FUBP3: variants seen among roughly 807,000 people sequenced by gnomAD.
The protein encoded by FUBP3 is far upstream element binding protein 3, also known as far upstream element-binding protein 3.
FUBP3 carries 28 observed loss-of-function variants against 85.6 expected under a neutral mutation model. That is an observed-to-expected ratio of 0.33 (90% CI 0.24 to 0.45). The LOEUF (loss-of-function observed/expected upper bound fraction) is 0.45. Among genes scored for constraint, FUBP3 ranks in the 20% least tolerant of loss-of-function variants. The probability of loss-of-function intolerance (pLI) is 1.00; values close to 1 mark genes in which losing one functional copy is unlikely to be tolerated. For synonymous variants in FUBP3, 271 were observed against 271.4 expected, an observed-to-expected ratio of 1.00 and a Z score of 0.01; for missense variants, 583 against 755.1, an observed-to-expected ratio of 0.77 and a Z score of 2.67.
Position 130,622,796 on chromosome 9 carries a change from T to C in FUBP3, c.860T>C (p.Ile287Thr). 6.4e-7 allele frequency: 1 copy of C among 1,555,794 alleles called. No individual in the cohort carries two copies. The highest frequency in any genetic ancestry group is 8.8e-7 in the Non-Finnish European group (1 of 1,132,280). Residue 287 changes from isoleucine (I) to threonine (T), a missense_variant, in exon 10 of 19, where the codon ATT becomes ACT. Ile to Thr is a moderately conservative substitution (Grantham distance 89, BLOSUM62 -1). Transcript: ENST00000319725. Reference protein sequence around the residue: ...KKIQNDAGVRIQFKPDDGISP... With the variant: ...KKIQNDAGVRTQFKPDDGISP... The stretch of plus-strand genomic sequence containing the variant: ...ATCCAGAATGATGCTGGTGTGAGGA[T>C]TCAGTTTAAACCAGGTGGGTATGAT...
At chr9:130,590,372 G>A (rs1324611139) in intron 1 of FUBP3, among the ~76,000 whole-genome samples, 1 of 152,202 alleles carries the variant, frequency 6.6e-6, no homozygotes, top group East Asian at 1.9e-4. Context: ...TCCTGGTCCA[G>A]TGCTCTCCTT....
rs1231696069 is a variant in FUBP3, at chr9:130,615,925, GCT to G, written c.405-422_405-421del. 2.0e-5 allele frequency among the ~76,000 whole-genome samples: 3 copies of G among 152,244 alleles called. No individual in the cohort carries two copies. In the South Asian group the frequency reaches 6.2e-4, roughly 32 times the overall value. Reference sequence around the variant, plus strand: ...TTTCTTCCCATCTTTCTCATTGCTGGCTCTCTCTCCTGCCTGCATTTATTTAA... The same window carrying G: ...TTTCTTCCCATCTTTCTCATTGCTGGCTCTCTCCTGCCTGCATTTATTTAA... On this transcript the variant is annotated intron_variant, in intron 6 of 18. Transcript: ENST00000319725.
rs1456228434 is a variant in FUBP3 at position 130,624,653 on chromosome 9, T to TGTGTGTG, written c.975+942_975+943insGTGTGTG. ...TGTGTGTGTGTGTGTGTGTGTGTGT[T>TGTGTGTG]TTTAAGCTCATCAGCTATCATTAAT... is the stretch of plus-strand genomic sequence containing the variant. On this transcript the variant is annotated intron_variant, in intron 11 of 18. Transcript: ENST00000319725. Among the ~76,000 whole-genome samples, 20 of 132,822 alleles carry TGTGTGTG rather than the reference T, an allele frequency of 1.5e-4. No individual in the cohort carries two copies. In the East Asian group the frequency reaches 2.5e-3, roughly 17 times the overall value. The allele number at this position is 132,822 out of a possible 152,430, so 87.1% of individuals were successfully genotyped here. A position where few individuals can be genotyped will look rare whatever the true frequency, so the allele number is the denominator to read the frequency against.
intron 12 of FUBP3, among the ~76,000 whole-genome samples, chr9:130,629,244 G>A (rs1379978560): frequency 6.6e-6 from 1 of 152,200 alleles, no homozygotes; most frequent in Non-Finnish European, 1.5e-5. Context: ...GGTGTCCCCA[G>A]ACAGGCGGGT....
intron 2 of FUBP3, among the ~76,000 whole-genome samples, chr9:130,609,150 A>G (rs1831611783): frequency 2.0e-5 from 3 of 152,246 alleles, no homozygotes; most frequent in African/African-American, 7.2e-5. Flanking sequence ...AAAGAGAAAC[A>G]CTACAGAATC....
chr9:130,582,549 A>G (rs1443446616), intron 1 of FUBP3, among the ~76,000 whole-genome samples: 7 of 152,158 alleles, frequency 4.6e-5, no homozygotes, highest in Admixed American at 1.3e-4. Flanking sequence ...ACATCTGTCT[A>G]CTTTTCCCAA....
At chr9:130,601,447 T>C (rs1831149391) in intron 2 of FUBP3, among the ~76,000 whole-genome samples, 1 of 152,014 alleles carries the variant, frequency 6.6e-6, no homozygotes, top group Admixed American at 6.6e-5. Flanking sequence ...GGCCTCATAC[T>C]CCCCCTGCAT....
intron 9 of FUBP3, 43 bp from the exon 10 acceptor site, chr9:130,622,665 G>A: frequency 1.0e-6 from 1 of 972,716 alleles, no homozygotes; most frequent in Non-Finnish European, 1.6e-6. Flanking sequence ...AAAAAGACAG[G>A]TTTGTGAAAA....
intron 11 of FUBP3, among the ~76,000 whole-genome samples, 196 bp downstream of exon 11, chr9:130,623,907 T>C (rs911706005): frequency 6.6e-6 from 1 of 152,216 alleles, no homozygotes; most frequent in Non-Finnish European, 1.5e-5. Flanking sequence ...ATTCTGCCTT[T>C]ATTTACCTCA....
chr9:130,619,066 C>T (rs1282223716), intron 8 of FUBP3, among the ~76,000 whole-genome samples: 1 of 152,190 alleles, frequency 6.6e-6, no homozygotes, highest in Non-Finnish European at 1.5e-5. Flanking sequence ...CAGCGTCCGG[C>T]CGTGGGCTCC....
chr9:130,610,353 G>A (rs1831675717), intron 3 of FUBP3, among the ~76,000 whole-genome samples: 1 of 152,178 alleles, frequency 6.6e-6, no homozygotes, highest in African/African-American at 2.4e-5. Context: ...GAGACACCTC[G>A]AAGTGTGAGG....
At chr9:130,617,719 C>A in intron 7 of FUBP3, 78 bp from the exon 8 acceptor site, 1 of 912,144 alleles carries the variant, frequency 1.1e-6, no homozygotes, top group Non-Finnish European at 1.9e-6. Flanking sequence ...GTGGGTGTGA[C>A]TGGGTCCGAT....
At chr9:130,597,874 C>T (rs914566621) in intron 2 of FUBP3, among the ~76,000 whole-genome samples, 3 of 152,208 alleles carry the variant, frequency 2.0e-5, no homozygotes, top group East Asian at 1.9e-4. Context: ...TACCTAAGAC[C>T]GGGTGTTCAG....
At chr9:130,610,201 A>G (rs1341175307) in intron 3 of FUBP3, among the ~76,000 whole-genome samples, 2 of 152,260 alleles carry the variant, frequency 1.3e-5, no homozygotes, top group Non-Finnish European at 2.9e-5. Context: ...CCATTATTGC[A>G]GTAACTTAAA....
chr9:130,614,457 C>T (rs1379168635), intron 6 of FUBP3, 112 bp downstream of exon 6: 3 of 651,284 alleles, frequency 4.6e-6, no homozygotes, highest in Non-Finnish European at 8.2e-6. Flanking sequence ...GCAGTCTGGC[C>T]ACACAGGTAG....
chr9:130,591,770 CTCAG>C (rs1303334447), intron 1 of FUBP3, among the ~76,000 whole-genome samples: 2 of 152,198 alleles, frequency 1.3e-5, no homozygotes, highest in African/African-American at 4.8e-5. Context: ...ACCTGAAAGG[CTCAG>C]TCACATTTTG....
chr9:130,610,847 T>C (rs1831707071), intron 3 of FUBP3, among the ~76,000 whole-genome samples: 1 of 152,294 alleles, frequency 6.6e-6, no homozygotes, highest in South Asian at 2.1e-4. Context: ...TGGTTGTTGT[T>C]ATTGTTGTTT....
intron 13 of FUBP3, 144 bp downstream of exon 13, chr9:130,630,932 C>T: frequency 1.5e-6 from 1 of 679,616 alleles, no homozygotes; most frequent in Non-Finnish European, 2.2e-6. Flanking sequence ...TCCTGCTTTG[C>T]CGAAGGGGAG....
At chr9:130,602,786 TCCAGGGGCGGTGGACATGGGCAGGCTTC>T (rs1304811306) in intron 2 of FUBP3, among the ~76,000 whole-genome samples, 1 of 152,094 alleles carries the variant, frequency 6.6e-6, no homozygotes, top group Non-Finnish European at 1.5e-5. Context: ...ATGAAGGCTT[TCCAGGGGCGGTGGACATGGGCAGGCTTC>T]CCAGGTTCCT....
Sources: allele counts gnomAD v4.1 joint callset (sites outside exome capture counted in the v4.1 genomes callset), GRCh38; gene constraint gnomAD v4.1.1; transcripts MANE v1.5; gene names NCBI Gene and HGNC (gene_info 2026-07-23, HGNC 2026-07-21).